The following ZNF609 variants were observed in gnomAD, a reference collection of about 807,000 sequenced individuals.
The protein encoded by ZNF609 is zinc finger protein 609.
Under a neutral mutation model 109.5 loss-of-function variants are expected in ZNF609, and 11 were observed. The observed-to-expected ratio is 0.10, with a 90% CI of 0.06 to 0.17. The LOEUF (loss-of-function observed/expected upper bound fraction) is 0.17. Among genes scored for constraint, ZNF609 ranks in the 10% least tolerant of loss-of-function variants. The pLI, the probability that ZNF609 is intolerant of heterozygous loss-of-function variation, is 1.00. For synonymous variants in ZNF609, 646 were observed against 662.0 expected (o/e 0.98, Z 0.37); for missense variants, 1,559 against 1,772.4 (o/e 0.88, Z 2.16).
intron 2 of ZNF609, among the ~76,000 whole-genome samples, chr15:64,562,872 AGTGTGTGTGTGTGTGT>A (rs6145601): frequency 0.047 from 6,946 of 149,062 alleles, 542 homozygotes; most frequent in African/African-American, 0.16. Context: ...GGTAAGCGTG[AGTGTGTGTGTGTGTGT>A]GTGTGTGTGT....
chr15:64,530,927 G>C (rs748670490), intron 2 of ZNF609, among the ~76,000 whole-genome samples: 1 of 152,168 alleles, frequency 6.6e-6, no homozygotes, highest in Non-Finnish European at 1.5e-5. Flanking sequence ...GATGAGACTT[G>C]GGTAGGAAAG....
At position 64,562,740 on chromosome 15, in the gene ZNF609, C is replaced by CAA. The variant is rs5813308; in HGVS notation, c.748-60076_748-60075dup. Reference sequence around the variant, plus strand: ...GCCCGAGTTTAAAGAAGAAGCCAGCCAAAAAAAAAAAATTAACTCATACAT... The same window carrying CAA: ...GCCCGAGTTTAAAGAAGAAGCCAGCCAAAAAAAAAAAAAATTAACTCATACAT... On this transcript the variant is annotated intron_variant, in intron 2 of 9. Transcript: ENST00000326648. 3.7e-3 allele frequency among the ~76,000 whole-genome samples: 539 copies of CAA among 147,230 alleles called. 2 individuals are homozygous for CAA. Among genetic ancestry groups the CAA allele is most frequent in the African/African-American group, 7.0e-3 (276 of 39,570 alleles).
intron 2 of ZNF609, among the ~76,000 whole-genome samples, chr15:64,510,038 T>G (rs1185994205): frequency 6.6e-6 from 1 of 152,182 alleles, no homozygotes; most frequent in African/African-American, 2.4e-5. Context: ...AATAAATCAC[T>G]AAGTTTTAAA....
At chr15:64,583,260 G>A (rs1340845709) in intron 2 of ZNF609, among the ~76,000 whole-genome samples, 1 of 151,152 alleles carries the variant, frequency 6.6e-6, no homozygotes, top group Non-Finnish European at 1.5e-5. Context: ...GGAGAATGGC[G>A]TGAACCCAGG....
intron 1 of ZNF609, among the ~76,000 whole-genome samples, chr15:64,493,081 G>A (rs750137684): frequency 2.7e-4 from 41 of 152,220 alleles, no homozygotes; most frequent in Non-Finnish European, 2.1e-4. Flanking sequence ...ATTTACAGTA[G>A]AACAGTATTA....
At chr15:64,532,969 T>C (rs1379486297) in intron 2 of ZNF609, among the ~76,000 whole-genome samples, 1 of 152,174 alleles carries the variant, frequency 6.6e-6, no homozygotes, top group South Asian at 2.1e-4. Context: ...CTATTTGAGC[T>C]TTCTCTATTT....
chr15:64,682,351 G>T lies in ZNF609; in HGVS notation c.*665G>T, dbSNP rs1316693364. 2.0e-5 allele frequency: 3 copies of T among 152,670 alleles called. No homozygotes were observed. The highest frequency in any genetic ancestry group is 7.2e-5 in the African/African-American group (3 of 41,452). The allele number at this position is 152,670 out of a possible 1,614,324, so 9.5% of individuals were successfully genotyped here. On this transcript the variant is annotated 3_prime_UTR_variant, in exon 10 of 10. Transcript: ENST00000326648. Reference sequence around the variant, plus strand: ...ACCTAGCCTGGAAAGGAAGACCAAGGCATCTGCCCCAACATGGCCTTGAGC... The same window carrying T: ...ACCTAGCCTGGAAAGGAAGACCAAGTCATCTGCCCCAACATGGCCTTGAGC...
chr15:64,651,918 A>G (rs1289195064), intron 3 of ZNF609, among the ~76,000 whole-genome samples: 1 of 151,992 alleles, frequency 6.6e-6, no homozygotes, highest in Non-Finnish European at 1.5e-5. Flanking sequence ...CTCTCTCACT[A>G]TCTCATTAAC....
chr15:64,548,439 A>G lies in ZNF609; in HGVS notation c.747+48273A>G, dbSNP rs116618692. 8.9e-3 allele frequency among the ~76,000 whole-genome samples: 1,351 copies of G among 152,312 alleles called. 24 individuals carry two copies. Among genetic ancestry groups the G allele is most frequent in the African/African-American group, 0.031 (1,288 of 41,556 alleles). On this transcript the variant is annotated intron_variant, in intron 2 of 9. Coordinates refer to ENST00000326648, the MANE Select transcript of ZNF609 (RefSeq NM_015042.2). ...CTTTTCTTTACAAGTCGATGAATCAATAGACTCTAGTGAATGTGCTCAGTT... is the reference window on the plus strand; with the variant it reads ...CTTTTCTTTACAAGTCGATGAATCAGTAGACTCTAGTGAATGTGCTCAGTT...
chr15:64,656,746 C>T (rs1043902600), intron 3 of ZNF609, among the ~76,000 whole-genome samples: 15 of 149,610 alleles, frequency 1.0e-4, no homozygotes, highest in African/African-American at 3.7e-4. Context: ...TCCTCCGTCC[C>T]TCCTCCCTCT....
intron 2 of ZNF609, among the ~76,000 whole-genome samples, chr15:64,526,616 A>AT (rs200092334): frequency 0.043 from 6,388 of 148,624 alleles, 183 homozygotes; most frequent in Non-Finnish European, 0.066. Context: ...TGAATATGGG[A>AT]TTTTTTTTTT....
At chr15:64,556,196 A>G (rs951241172) in intron 2 of ZNF609, among the ~76,000 whole-genome samples, 7 of 151,440 alleles carry the variant, frequency 4.6e-5, no homozygotes, top group African/African-American at 1.2e-4. Context: ...ATGTCTTGCT[A>G]TGTTGCTCAG....
At chr15:64,551,269 T>C (rs1894466273) in intron 2 of ZNF609, among the ~76,000 whole-genome samples, 1 of 152,232 alleles carries the variant, frequency 6.6e-6, no homozygotes, top group Admixed American at 6.5e-5. Flanking sequence ...GTCCAGCTTT[T>C]ATCTTATGAC....
intron 2 of ZNF609, among the ~76,000 whole-genome samples, chr15:64,609,088 CTTTCTTTCTTTCT>C: frequency 3.0e-5 from 1 of 33,644 alleles, no homozygotes; most frequent in African/African-American, 6.3e-5. Flanking sequence ...TTCTTTCTTT[CTTTCTTTCTTTCT>C]TTCTTTCTTT....
rs1896807212 is a variant in ZNF609 at position 64,676,082 on chromosome 15, A to G, written c.3228A>G (p.Lys1076=). 6.2e-7 allele frequency: 1 copy of G among 1,614,246 alleles called. No individual in the cohort carries two copies. The highest frequency in any genetic ancestry group is 8.5e-7 in the Non-Finnish European group (1 of 1,180,042). The change falls in exon 5 of 10, where the codon AAA becomes AAG. Residue 1076 remains lysine (K), a synonymous_variant. Coordinates refer to ENST00000326648, the MANE Select transcript of ZNF609 (RefSeq NM_015042.2). ...AGGAGCCAGGGGCTGACCCAGCCAAATCAGTCATCATTCCCAAGTTAGATG... is the reference window on the plus strand; with the variant it reads ...AGGAGCCAGGGGCTGACCCAGCCAAGTCAGTCATCATTCCCAAGTTAGATG... ...KAKEPGADPA[K]SVIIPKLDDS...
chr15:64,683,814 C>CTGTATATAT lies in ZNF609; in HGVS notation c.*2133_*2141dup, dbSNP rs2083225544. ...CTGTGGCACTGGCCTGCAGCATACT[C>CTGTATATAT]TGTATATATTGTAAAGAAACCGTTA... is the stretch of plus-strand genomic sequence containing the variant. On this transcript the variant is annotated 3_prime_UTR_variant, in exon 10 of 10. Transcript: ENST00000326648. 1.3e-5 allele frequency: 2 copies of CTGTATATAT among 152,218 alleles called. No homozygotes were observed. The highest frequency in any genetic ancestry group is 2.9e-5 in the Non-Finnish European group (2 of 68,052). 9.4% of individuals were successfully genotyped at this position (152,218 alleles called of 1,614,324 possible).
At chr15:64,483,189 G>A (rs760881160) in intron 1 of ZNF609, among the ~76,000 whole-genome samples, 5 of 151,822 alleles carry the variant, frequency 3.3e-5, no homozygotes, top group African/African-American at 9.7e-5. Flanking sequence ...TCCACCTTCC[G>A]GGTTCAAGTG....
At chr15:64,597,023 C>T (rs1595732720) in intron 2 of ZNF609, among the ~76,000 whole-genome samples, 1 of 152,044 alleles carries the variant, frequency 6.6e-6, no homozygotes, top group African/African-American at 2.4e-5. Context: ...TTTTTCTCTT[C>T]TCTGTGACTT....
At chr15:64,664,374 G>A (rs943880773) in intron 3 of ZNF609, among the ~76,000 whole-genome samples, 2 of 152,138 alleles carry the variant, frequency 1.3e-5, no homozygotes, top group African/African-American at 4.8e-5. Flanking sequence ...CTTAGATTAT[G>A]TCCATAAGAC....
Sources: allele counts gnomAD v4.1 joint callset (sites outside exome capture counted in the v4.1 genomes callset), GRCh38; gene constraint gnomAD v4.1.1; transcripts MANE v1.5; gene names NCBI Gene and HGNC (gene_info 2026-07-23, HGNC 2026-07-21).